AGBL1: variants seen among roughly 807,000 people sequenced by gnomAD.
AGBL1 encodes AGBL carboxypeptidase 1, also known as cytosolic carboxypeptidase 4.
A neutral mutation model predicts 118.9 loss-of-function variants in AGBL1; 130 were observed. The observed-to-expected ratio is 1.09, with a 90% CI of 0.95 to 1.26. The LOEUF is 1.26. AGBL1 is among the 50% of genes most tolerant of loss of function. The pLI is 0.00. For synonymous variants in AGBL1, 555 were observed against 478.9 expected (o/e 1.16, Z -2.08); for missense variants, 1,584 against 1,298.1 (o/e 1.22, Z -3.38).
chr15:86,790,400 C>T (rs1053382633), intron 22 of AGBL1, among the ~76,000 whole-genome samples: 1 of 151,778 alleles, frequency 6.6e-6, no homozygotes, highest in Admixed American at 6.6e-5. Flanking sequence ...ACACACAGTC[C>T]TGTATCTTTT....
chr15:86,507,335 A>G (rs976842079), intron 18 of AGBL1, among the ~76,000 whole-genome samples: 1 of 152,142 alleles, frequency 6.6e-6, no homozygotes, highest in Non-Finnish European at 1.5e-5. Context: ...AGGAAAATAT[A>G]CTCAGACCAT....
At position 86,675,606 on chromosome 15, in the gene AGBL1, C is replaced by T. The variant is rs78238833; in HGVS notation, c.3158+1170C>T. On this transcript the variant is annotated intron_variant, in intron 22 of 22. Transcript: ENST00000614907. ...TGCCTGCCCCTGGTCCCTTCAACAC[C>T]CCTCAGTGTCTGAAGGCTTCGTGTG... Among the ~76,000 whole-genome samples, 1,037 of 152,196 alleles carry T rather than the reference C, an allele frequency of 6.8e-3. 18 individuals carry two copies. The highest frequency in any genetic ancestry group is 0.022 in the African/African-American group (903 of 41,504).
Position 86,819,882 on chromosome 15 carries a change from C to G in AGBL1, c.3159-87205C>G, listed in dbSNP as rs2078915323. On this transcript the variant is annotated intron_variant, in intron 22 of 22. Coordinates refer to ENST00000614907, the MANE Select transcript of AGBL1 (RefSeq NM_001386094.1). ...AAGCTAGAGGCATCACGCTACCTGA[C>G]TTCAAACTATACTACAAGGCTACGG... 2.0e-5 allele frequency among the ~76,000 whole-genome samples: 3 copies of G among 152,088 alleles called. No homozygotes were observed. The South Asian group carries it at 6.2e-4, about 31-fold the overall frequency.
chr15:86,479,660 T>C (rs1050473117), intron 18 of AGBL1, among the ~76,000 whole-genome samples: 6 of 152,188 alleles, frequency 3.9e-5, no homozygotes, highest in Non-Finnish European at 8.8e-5. Flanking sequence ...GTTCAACCAT[T>C]GTGGAAGACA....
chr15:86,719,567 T>A (rs1360468869), intron 22 of AGBL1, among the ~76,000 whole-genome samples: 1 of 152,110 alleles, frequency 6.6e-6, no homozygotes, highest in Non-Finnish European at 1.5e-5. Context: ...TTCTCTCAGA[T>A]CACTAGGGGT....
intron 18 of AGBL1, among the ~76,000 whole-genome samples, chr15:86,501,280 C>T (rs1389607582): frequency 6.6e-6 from 1 of 151,514 alleles, no homozygotes; most frequent in East Asian, 1.9e-4. Flanking sequence ...TTGTAATGAG[C>T]TTATTGGTGA....
chr15:86,905,680 T>A (rs2080271595), intron 22 of AGBL1, among the ~76,000 whole-genome samples: 1 of 152,150 alleles, frequency 6.6e-6, no homozygotes, highest in Non-Finnish European at 1.5e-5. Flanking sequence ...GATTAAGCAG[T>A]TTTTCCAAAG....
chr15:86,453,185 T>C (rs1234931320), intron 18 of AGBL1, among the ~76,000 whole-genome samples: 1 of 152,188 alleles, frequency 6.6e-6, no homozygotes, highest in African/African-American at 2.4e-5. Context: ...ACTCAATTAC[T>C]GTTTGTTAAG....
At chr15:86,560,621 G>A (rs117174273) in intron 21 of AGBL1, among the ~76,000 whole-genome samples, 4,332 of 152,252 alleles carry the variant, frequency 0.028, 98 homozygotes, top group East Asian at 0.079. Context: ...TGTCTTTATA[G>A]CAGCAGGATT....
At chr15:86,418,183 T>TA (rs2081727888) in intron 18 of AGBL1, among the ~76,000 whole-genome samples, 2 of 152,368 alleles carry the variant, frequency 1.3e-5, no homozygotes, top group African/African-American at 4.8e-5. Flanking sequence ...ATGTCATTGA[T>TA]ACATTTGTTG....
chr15:86,440,472 C>A (rs1423319159), intron 18 of AGBL1, among the ~76,000 whole-genome samples: 2 of 104,642 alleles, frequency 1.9e-5, no homozygotes, highest in African/African-American at 8.6e-5. Flanking sequence ...CCTATCACCA[C>A]CATGGGATGG....
At chr15:86,244,724 A>T (rs2078693772) in intron 6 of AGBL1, among the ~76,000 whole-genome samples, 1 of 152,202 alleles carries the variant, frequency 6.6e-6, no homozygotes, top group Non-Finnish European at 1.5e-5. Context: ...TTATCAATCT[A>T]ATACTCTTAA....
chr15:86,166,062 G>A (rs908870452), intron 5 of AGBL1, among the ~76,000 whole-genome samples: 1 of 152,106 alleles, frequency 6.6e-6, no homozygotes, highest in Non-Finnish European at 1.5e-5. Context: ...AGGTCTTAAG[G>A]GACCTTCTTA....
chr15:86,371,470 G>A (rs956178062), intron 17 of AGBL1, among the ~76,000 whole-genome samples: 1 of 152,028 alleles, frequency 6.6e-6, no homozygotes, highest in Non-Finnish European at 1.5e-5. Context: ...TATATCATAT[G>A]TTTTTATTAT....
intron 21 of AGBL1, among the ~76,000 whole-genome samples, chr15:86,570,869 G>A (rs991731157): frequency 2.6e-5 from 4 of 152,162 alleles, no homozygotes; most frequent in African/African-American, 4.8e-5. Context: ...CTGGCAGGCT[G>A]GACTTGGCTC....
chr15:86,572,925 G>T (rs1219723108), intron 21 of AGBL1, among the ~76,000 whole-genome samples: 1 of 152,204 alleles, frequency 6.6e-6, no homozygotes, highest in Non-Finnish European at 1.5e-5. Context: ...CACCATTTCT[G>T]CAATCTAATA....
intron 18 of AGBL1, among the ~76,000 whole-genome samples, chr15:86,484,286 T>G: frequency 6.6e-6 from 1 of 151,882 alleles, no homozygotes; most frequent in Admixed American, 6.6e-5. Context: ...GCAAGGCAGG[T>G]TTTGTACACT....
At chr15:86,768,502 G>T (rs2078127795) in intron 22 of AGBL1, among the ~76,000 whole-genome samples, 1 of 151,790 alleles carries the variant, frequency 6.6e-6, no homozygotes, top group African/African-American at 2.4e-5. Flanking sequence ...TTTTGCATTT[G>T]CTCTGGTGTA....
intron 17 of AGBL1, among the ~76,000 whole-genome samples, chr15:86,392,200 G>T (rs1007684355): frequency 6.6e-6 from 1 of 151,070 alleles, no homozygotes; most frequent in East Asian, 1.9e-4. Context: ...GCACTCTGTC[G>T]TCTATTTTTT....
Sources: allele counts gnomAD v4.1 joint callset (sites outside exome capture counted in the v4.1 genomes callset), GRCh38; gene constraint gnomAD v4.1.1; transcripts MANE v1.5; gene names NCBI Gene and HGNC (gene_info 2026-07-23, HGNC 2026-07-21).